The following PLIN5 variants were observed in gnomAD, a reference collection of about 807,000 sequenced individuals.
The protein encoded by PLIN5 is perilipin 5, also known as perilipin-5.
In PLIN5, 34 loss-of-function variants were observed where a neutral mutation model predicts 32.8. The observed-to-expected ratio is 1.04, with a 90% confidence interval of 0.79 to 1.38. The LOEUF (loss-of-function observed/expected upper bound fraction) is 1.38, where lower values mean the gene tolerates loss of function less well. Among genes scored for constraint, PLIN5 ranks in the 40% most tolerant of loss-of-function variants. The probability of loss-of-function intolerance (pLI) is 0.00; values close to 1 mark genes in which losing one functional copy is unlikely to be tolerated. For missense variants in PLIN5, 712 were observed against 660.5 expected (o/e 1.08, Z -0.85); for synonymous variants, 309 against 292.9 (o/e 1.05, Z -0.56).
In PLIN5 at chr19:4,524,972, G is replaced by A. The variant is rs1240207726; in HGVS notation, c.825C>T (p.Arg275=). The part of the protein sequence containing the change: ...EWGQRPPESR[R]RSQAELETLV... ...ACTCCTGCGGTCTCACCTGGCTCCG[G>A]CGGCGGCTCTCCGGAGGGCGCTGGC... Residue 275 remains arginine, a synonymous_variant, in exon 7 of 8, where the codon CGC becomes CGT. Coordinates refer to ENST00000381848, the MANE Select transcript of PLIN5 (RefSeq NM_001013706.3). 1 of 1,531,666 alleles carries A rather than the reference G, an allele frequency of 6.5e-7. No individual in the cohort carries two copies. The highest frequency in any genetic ancestry group is 8.8e-7 in the Non-Finnish European group (1 of 1,139,572). 94.9% of individuals were successfully genotyped at this position (1,531,666 alleles called of 1,614,324 possible).
rs373982855 is a variant in PLIN5 at position 4,523,614 on chromosome 19, C to A, written c.1306G>T (p.Gly436Cys). The A allele has an allele frequency of 6.2e-7, 1 of 1,609,912 alleles. No homozygotes were observed. ...GSGNGDGDRM[G>C]VAGDICEQEP... ...TGCTCGCAGATGTCCCCGGCAACAC[C>A]CATCCTGTCCCCATCCCCATTCCCA... Residue 436 changes from glycine to cysteine, a missense_variant, in exon 8 of 8, where the codon GGT (glycine) becomes TGT (cysteine). Coordinates refer to ENST00000381848, the MANE Select transcript of PLIN5 (RefSeq NM_001013706.3). This position sits in a 1 kb window ranked among gnomAD's most constrained non-coding sequence, Gnocchi z 5.0.
intron 5 of PLIN5, among the ~76,000 whole-genome samples, chr19:4,527,222 C>A (rs889194256): frequency 6.6e-6 from 1 of 151,922 alleles, no homozygotes; most frequent in African/African-American, 2.4e-5. Context: ...ACTACAGGCA[C>A]CCGCCACCAC....
chr19:4,525,176 T>A lies in PLIN5; in HGVS notation c.721-100A>T. The A allele has an allele frequency of 1.4e-6, 1 of 736,420 alleles. No individual in the cohort carries two copies. Among genetic ancestry groups the A allele is most frequent in the Non-Finnish European group, 2.1e-6 (1 of 474,100 alleles). The allele number at this position is 736,420 out of a possible 1,614,324, so 45.6% of individuals were successfully genotyped here. A position where few individuals can be genotyped will look rare whatever the true frequency, so the allele number is the denominator to read the frequency against. On this transcript the variant is annotated intron_variant, in intron 6 of 7. Coordinates refer to ENST00000381848, the MANE Select transcript of PLIN5 (RefSeq NM_001013706.3). This position sits in a 1 kb window ranked among gnomAD's most constrained non-coding sequence, Gnocchi z 5.6. ...CACTGATCTGGCCTCAGTAAGCATT[T>A]AGGAGACCGAGGCAGGTTGTGCAGG...
At position 4,525,700 on chromosome 19, in the gene PLIN5, C is replaced by A; in HGVS notation, c.653G>T (p.Gly218Val). Reference sequence around the variant, plus strand: ...ACGGTGTTTGCTCTGCCTCAGTTTCCCCACAGAGTGCTCGTAGGCCAGGTG... The same window carrying A: ...ACGGTGTTTGCTCTGCCTCAGTTTCACCACAGAGTGCTCGTAGGCCAGGTG... ...IRHLAYEHSV[G>V]KLRQSKHRAQ... The change falls in exon 6 of 8, where the codon GGG becomes GTG. Residue 218 changes from glycine to valine, a missense_variant. Transcript: ENST00000381848. The surrounding 1 kb of genome is among the most constrained non-coding windows in gnomAD (Gnocchi z 5.6). 1 of 1,613,764 alleles carries A rather than the reference C, an allele frequency of 6.2e-7. No individual in the cohort carries two copies. Among genetic ancestry groups the A allele is most frequent in the Non-Finnish European group, 8.5e-7 (1 of 1,180,032 alleles).
chr19:4,523,991 G>A lies in PLIN5; in HGVS notation c.929C>T (p.Ala310Val). 6.6e-7 allele frequency: 1 copy of A among 1,525,140 alleles called. No homozygotes were observed. The highest frequency in any genetic ancestry group is 8.7e-7 in the Non-Finnish European group (1 of 1,143,470). The allele number at this position is 1,525,140 out of a possible 1,614,324, so 94.5% of individuals were successfully genotyped here. The change falls in exon 8 of 8, where the codon GCC becomes GTC. Residue 310 changes from alanine (A) to valine (V), a missense_variant. Physicochemically the swap from Ala to Val is moderately conservative, Grantham distance 64. Transcript: ENST00000381848. This position sits in a 1 kb window ranked among gnomAD's most constrained non-coding sequence, Gnocchi z 5.0. Reference protein sequence around the residue: ...ALESSVRGLPAGAQEKVAEVR... With the variant: ...ALESSVRGLPVGAQEKVAEVR... ...CTCAGCCACCTTCTCCTGGGCGCCG[G>A]CGGGCAGGCCCCGCACGCTGGACTC...
chr19:4,525,028 C>A lies in PLIN5; in HGVS notation c.769G>T (p.Gly257Trp). ...TCCCCCCACAGCTCGTGCACCTTCC[C>A]AGGGCAGGCCGGGGCGGTGGGGGTC... ...GVTPTAPACP[G>W]KVHELWGEWG... is the part of the protein sequence containing the mutation. Residue 257 changes from glycine to tryptophan, a missense_variant, in exon 7 of 8, where the codon GGG (glycine) becomes TGG (tryptophan). Gly to Trp is a radical substitution (Grantham distance 184). Transcript: ENST00000381848. The surrounding 1 kb of genome is among the most constrained non-coding windows in gnomAD (Gnocchi z 5.6). 6.8e-7 allele frequency: 1 copy of A among 1,477,870 alleles called. No individual in the cohort carries two copies. The highest frequency in any genetic ancestry group is 9.0e-7 in the Non-Finnish European group (1 of 1,115,560). The allele number at this position is 1,477,870 out of a possible 1,614,324, so 91.5% of individuals were successfully genotyped here.
chr19:4,530,454 C>T (rs1452584274), intron 3 of PLIN5, among the ~76,000 whole-genome samples: 1 of 152,170 alleles, frequency 6.6e-6, no homozygotes, highest in African/African-American at 2.4e-5. Context: ...CCCCGCCTGT[C>T]ATCGGCTCAG....
intron 1 of PLIN5, among the ~76,000 whole-genome samples, chr19:4,534,957 C>A (rs940401112): frequency 6.6e-6 from 1 of 152,248 alleles, no homozygotes; most frequent in African/African-American, 2.4e-5. Flanking sequence ...CGCCTGCGAT[C>A]CCTCCGGTTG....
Position 4,525,081 on chromosome 19 carries a change from A to C in PLIN5, c.721-5T>G. 7.2e-7 allele frequency: 1 copy of C among 1,389,348 alleles called. No homozygotes were observed. The highest frequency in any genetic ancestry group is 1.5e-5 in the African/African-American group (1 of 65,800). The allele number at this position is 1,389,348 out of a possible 1,614,324, so 86.1% of individuals were successfully genotyped here. A position where few individuals can be genotyped will look rare whatever the true frequency, so the allele number is the denominator to read the frequency against. Reference sequence around the variant, plus strand: ...CCCACACTGCATGTGGTCTATCTGCAAGGACAGAAATGGTGGTCTTCAGAG... The same window carrying C: ...CCCACACTGCATGTGGTCTATCTGCCAGGACAGAAATGGTGGTCTTCAGAG... On this transcript the variant is annotated splice_polypyrimidine_tract_variant and splice_region_variant and intron_variant, in intron 6 of 7. Transcript: ENST00000381848. The surrounding 1 kb of genome is among the most constrained non-coding windows in gnomAD (Gnocchi z 5.6).
chr19:4,533,724 C>T (rs573187700), intron 2 of PLIN5: 41 of 514,538 alleles, frequency 8.0e-5, no homozygotes, highest in East Asian at 6.9e-4. Flanking sequence ...TGATGGTGGA[C>T]GTGGAGACAG....
rs917877596 is a variant in PLIN5, at chr19:4,525,859, C to T, written c.521-27G>A. Reference sequence around the variant, plus strand: ...TGGAGGACAGGATACGGGGACAGCACGGGGACAGGATACGGGGACAGCACG... The same window carrying T: ...TGGAGGACAGGATACGGGGACAGCATGGGGACAGGATACGGGGACAGCACG... On this transcript the variant is annotated intron_variant, in intron 5 of 7. Coordinates refer to ENST00000381848, the MANE Select transcript of PLIN5 (RefSeq NM_001013706.3). The surrounding 1 kb of genome is among the most constrained non-coding windows in gnomAD (Gnocchi z 5.6). The T allele has an allele frequency of 6.7e-6, 10 of 1,494,766 alleles. No individual in the cohort carries two copies. The highest frequency in any genetic ancestry group is 4.9e-5 in the East Asian group (2 of 40,696). The allele number at this position is 1,494,766 out of a possible 1,614,324, so 92.6% of individuals were successfully genotyped here.
intron 3 of PLIN5, among the ~76,000 whole-genome samples, chr19:4,531,392 C>G (rs1976882521): frequency 6.6e-6 from 1 of 152,226 alleles, no homozygotes; most frequent in African/African-American, 2.4e-5. Flanking sequence ...ATCCTCCTTC[C>G]TCGGCCTCCC....
intron 2 of PLIN5, 111 bp from the exon 3 acceptor site, chr19:4,531,933 G>T: frequency 8.7e-7 from 1 of 1,150,288 alleles, no homozygotes; most frequent in Non-Finnish European, 1.2e-6. Flanking sequence ...GTGGAAGGAT[G>T]GAGTACTGAG....
At chr19:4,529,473 TAC>T (rs767941456) in intron 4 of PLIN5, 8 of 571,382 alleles carry the variant, frequency 1.4e-5, no homozygotes, top group Non-Finnish European at 2.2e-5. Context: ...CACATACATA[TAC>T]ATATATACAC....
rs116340436 is a variant in PLIN5, at chr19:4,526,050, C to G, written c.521-218G>C. On this transcript the variant is annotated intron_variant, in intron 5 of 7. Coordinates refer to ENST00000381848, the MANE Select transcript of PLIN5 (RefSeq NM_001013706.3). ...GCCACAGGTTCCCACATTCACAGTTCCCCTTGACTGACATCAACCCATTTG... is the reference window on the plus strand; with the variant it reads ...GCCACAGGTTCCCACATTCACAGTTGCCCTTGACTGACATCAACCCATTTG... Among the ~76,000 whole-genome samples the G allele has an allele frequency of 6.9e-3, 1,052 of 152,208 alleles. 13 individuals carry two copies. Among genetic ancestry groups the G allele is most frequent in the African/African-American group, 0.023 (973 of 41,510 alleles).
intron 5 of PLIN5, chr19:4,528,592 TAG>T (rs1976837871): frequency 6.6e-6 from 1 of 152,432 alleles, no homozygotes. Flanking sequence ...GTATTTTTAG[TAG>T]AGACGGGATT....
intron 4 of PLIN5, 172 bp downstream of exon 4, chr19:4,529,612 C>CAT (rs763607028): frequency 0.017 from 2,456 of 146,918 alleles, 52 homozygotes; most frequent in African/African-American, 0.13. Context: ...TATATGTATA[C>CAT]ACACACACAC....
Position 4,525,679 on chromosome 19 carries a change from T to C in PLIN5, c.674A>G (p.His225Arg). ...HSVGKLRQSK[H>R]RAQDTLAQLQ... ...CTGGGCCAGGGTGTCCTGGGCACGG[T>C]GTTTGCTCTGCCTCAGTTTCCCCAC... The change falls in exon 6 of 8, where the codon CAC becomes CGC. Residue 225 changes from histidine (H) to arginine (R), a missense_variant. His to Arg is a conservative substitution (Grantham distance 29). Coordinates refer to ENST00000381848, the MANE Select transcript of PLIN5 (RefSeq NM_001013706.3). The surrounding 1 kb of genome is among the most constrained non-coding windows in gnomAD (Gnocchi z 5.6). The C allele has an allele frequency of 6.2e-7, 1 of 1,613,620 alleles. No individual in the cohort carries two copies. The highest frequency in any genetic ancestry group is 8.5e-7 in the Non-Finnish European group (1 of 1,179,994).
chr19:4,524,545 CCTT>C (rs1976775350), intron 7 of PLIN5, among the ~76,000 whole-genome samples: 1 of 152,050 alleles, frequency 6.6e-6, no homozygotes. Flanking sequence ...GAGACAGACT[CCTT>C]CTCAAATAAA....
Sources: gnomAD v4.1 joint callset for allele counts (sites outside exome capture counted in the v4.1 genomes callset) on GRCh38, gnomAD v4.1.1 for gene constraint, Gnocchi (gnomAD v3.1) non-coding constraint, MANE v1.5 for transcripts, NCBI Gene and HGNC (gene_info 2026-07-23, HGNC 2026-07-21) for gene names.